Variants in DDX59 observed in about 807,000 individuals in gnomAD.
DDX59 encodes the protein DEAD-box helicase 59.
DDX59 carries 30 observed loss-of-function variants against 51.9 expected under a neutral mutation model. The ratio of observed to expected loss-of-function variants is 0.58; its 90% CI spans 0.43 to 0.78. DDX59 has a LOEUF of 0.78. Among genes scored for constraint, DDX59 ranks in the 30% least tolerant of loss-of-function variants. The probability of loss-of-function intolerance (pLI) is 0.00; values close to 1 mark genes in which losing one functional copy is unlikely to be tolerated. For synonymous variants in DDX59, 255 were observed against 253.3 expected (o/e 1.01, Z -0.06); for missense variants, 672 against 730.8 (o/e 0.92, Z 0.93).
chr1:200,649,471 A>G (rs529923073), intron 5 of DDX59, among the ~76,000 whole-genome samples: 25 of 152,076 alleles, frequency 1.6e-4, no homozygotes, highest in Non-Finnish European at 3.5e-4. Context: ...TACTAAAAAT[A>G]CAAGAAAATT....
In DDX59 at chr1:200,648,498, T is replaced by A. The variant is rs757872732; in HGVS notation, c.1537A>T (p.Ser513Cys). 6.2e-7 allele frequency: 1 copy of A among 1,614,200 alleles called. No homozygotes were observed. The highest frequency in any genetic ancestry group is 8.5e-7 in the Non-Finnish European group (1 of 1,180,020). ...TCAAAATTGACAACCAGCCTGACAC[T>A]GATCAAGTCTAGGCCTCGTCCCAAG... ...GVLGRGLDLI[S>C]VRLVVNFDMP... The change falls in exon 7 of 8, where the codon AGT (serine) becomes TGT (cysteine). Residue 513 changes from serine (S) to cysteine (C), a missense_variant. Physicochemically the swap from Ser to Cys is moderately radical, Grantham distance 112. Coordinates refer to ENST00000331314, the MANE Select transcript of DDX59 (RefSeq NM_001031725.6).
intron 4 of DDX59, among the ~76,000 whole-genome samples, chr1:200,654,140 G>A (rs991516903): frequency 1.3e-5 from 2 of 152,214 alleles, no homozygotes; most frequent in Non-Finnish European, 2.9e-5. Context: ...AGGGCCGGGC[G>A]TGGTGGCTCA....
At chr1:200,648,116 C>T (rs1227008804) in intron 7 of DDX59, among the ~76,000 whole-genome samples, 13 of 151,658 alleles carry the variant, frequency 8.6e-5, no homozygotes, top group African/African-American at 2.4e-4. Flanking sequence ...CCCCTCCTGC[C>T]GAGTTCAAGC....
At chr1:200,663,695 C>T (rs940545921) in intron 3 of DDX59, among the ~76,000 whole-genome samples, 2 of 151,222 alleles carry the variant, frequency 1.3e-5, no homozygotes, top group African/African-American at 4.9e-5. Flanking sequence ...CATGTCAGAA[C>T]ATTCAACAGC....
Position 200,644,412 on chromosome 1 carries a change from C to A in DDX59, c.1702G>T (p.Gly568Ter), listed in dbSNP as rs1354410317. 2 of 1,613,646 alleles carry A rather than the reference C, an allele frequency of 1.2e-6. No homozygotes were observed. The highest frequency in any genetic ancestry group is 1.3e-5 in the African/African-American group (1 of 74,866). ...AATAACTGAGGGGGAAGAATGGATC[C>A]TGTGGGCTTTACTCGTTTTGCAATA... ...WDIAKRVKPTGSILPPQLLNS... is the reference protein window; with the variant it reads ...WDIAKRVKPT The change falls in exon 8 of 8, where the codon GGA (glycine) becomes TGA (stop). Residue 568 changes from glycine (G) to a stop codon, truncating the protein, a stop_gained. Coordinates refer to ENST00000331314, the MANE Select transcript of DDX59 (RefSeq NM_001031725.6). LOFTEE classifies it high-confidence loss of function.
chr1:200,642,863 G>A (rs150896534), downstream of DDX59, among the ~76,000 whole-genome samples: 21 of 152,224 alleles, frequency 1.4e-4, no homozygotes, highest in East Asian at 1.5e-3. Flanking sequence ...CACAATGACC[G>A]ACGCAATAAA....
At chr1:200,651,901 G>A (rs531698339) in intron 4 of DDX59, among the ~76,000 whole-genome samples, 1 of 151,526 alleles carries the variant, frequency 6.6e-6, no homozygotes, top group Non-Finnish European at 1.5e-5. Flanking sequence ...CCAGCTACTC[G>A]GGAGGCTGAG....
At chr1:200,666,835 C>G (rs1464088767) in intron 1 of DDX59, 84 bp from the exon 2 acceptor site, 3 of 1,381,084 alleles carry the variant, frequency 2.2e-6, no homozygotes, top group Middle Eastern at 2.0e-4. Context: ...GGACAAGGTG[C>G]GGTGGCTCAC....
At chr1:200,662,729 T>C (rs531687209) in intron 3 of DDX59, among the ~76,000 whole-genome samples, 2 of 152,360 alleles carry the variant, frequency 1.3e-5, no homozygotes, top group South Asian at 2.1e-4. Context: ...CAGCTACTTA[T>C]GCGTTTGAAT....
chr1:200,649,868 A>C (rs1475132905), intron 5 of DDX59, among the ~76,000 whole-genome samples: 1 of 147,488 alleles, frequency 6.8e-6, no homozygotes, highest in Non-Finnish European at 1.5e-5. Flanking sequence ...TTTGAGACAG[A>C]GTCTCGCTCT....
At chr1:200,655,095 T>C (rs1476866353) in intron 4 of DDX59, 1 of 152,208 alleles carries the variant, frequency 6.6e-6, no homozygotes, top group East Asian at 1.9e-4. Flanking sequence ...GACTCCCCAA[T>C]GCCTATTTTA....
At chr1:200,662,388 TG>T (rs1433430747) in intron 3 of DDX59, among the ~76,000 whole-genome samples, 1 of 152,172 alleles carries the variant, frequency 6.6e-6, no homozygotes, top group African/African-American at 2.4e-5. Flanking sequence ...AGTTTGAGAT[TG>T]TTTTTTTAAA....
At chr1:200,648,099 C>CT (rs200642286) in intron 7 of DDX59, among the ~76,000 whole-genome samples, 2,730 of 151,218 alleles carry the variant, frequency 0.018, 93 homozygotes, top group African/African-American at 0.062. Context: ...TCTCGGCTCA[C>CT]TGCAACCCCC....
Position 200,664,058 on chromosome 1 carries a change from G to T in DDX59, c.833C>A (p.Thr278Lys), listed in dbSNP as rs1662554841. ...CTGAATGGCTAACTCTCTGGTTGGT[G>T]TAAGAATGAGCGCAGATGGAGTTTT... ...ESKTPSALIL[T>K]PTRELAIQIE... The change falls in exon 3 of 8, where the codon ACA (threonine) becomes AAA (lysine). Residue 278 changes from threonine to lysine, a missense_variant. Coordinates refer to ENST00000331314, the MANE Select transcript of DDX59 (RefSeq NM_001031725.6). 1 of 1,613,702 alleles carries T rather than the reference G, an allele frequency of 6.2e-7. No individual in the cohort carries two copies. The highest frequency in any genetic ancestry group is 8.5e-7 in the Non-Finnish European group (1 of 1,179,908).
Position 200,649,188 on chromosome 1 carries a change from C to T in DDX59, c.1353G>A (p.Val451=), listed in dbSNP as rs1244477128. ...KLFKPPVLVF[V]DCKLGADLLS... ...AAAGATCTGCTCCTAGTTTGCAGTC[C>T]ACAAATACTAACACTGGAGGCTTAA... Residue 451 remains valine, a synonymous_variant, in exon 6 of 8, where the codon GTG becomes GTA. Transcript: ENST00000331314. 1.3e-6 allele frequency: 2 copies of T among 1,592,700 alleles called. No homozygotes were observed. The highest frequency in any genetic ancestry group is 1.4e-5 in the African/African-American group (1 of 73,396).
At chr1:200,644,652 T>C (rs751026511) in intron 7 of DDX59, 135 bp from the exon 8 acceptor site, 1 of 1,097,088 alleles carries the variant, frequency 9.1e-7, no homozygotes, top group Non-Finnish European at 1.2e-6. Flanking sequence ...CCCCAGCACT[T>C]TGGGAGCTGA....
chr1:200,668,586 T>A (rs1662942858), intron 1 of DDX59, among the ~76,000 whole-genome samples: 1 of 152,194 alleles, frequency 6.6e-6, no homozygotes, highest in South Asian at 2.1e-4. Context: ...AAAAATGTTT[T>A]ACCCCAAAAT....
intron 4 of DDX59, 148 bp downstream of exon 4, chr1:200,658,879 A>T: frequency 1.6e-6 from 1 of 610,332 alleles, no homozygotes; most frequent in Non-Finnish European, 2.9e-6. Context: ...CTTCAGTGCT[A>T]CACAGGAACC....
chr1:200,669,596 A>G (rs1663030672), intron 1 of DDX59, 171 bp downstream of exon 1: 1 of 152,164 alleles, frequency 6.6e-6, no homozygotes, highest in African/African-American at 2.4e-5. Context: ...CGGAGCTGCT[A>G]GGAGACGGGC....
Sources: gnomAD v4.1 joint callset for allele counts (sites outside exome capture counted in the v4.1 genomes callset) on GRCh38, gnomAD v4.1.1 for gene constraint, MANE v1.5 for transcripts, NCBI Gene and HGNC (gene_info 2026-07-23, HGNC 2026-07-21) for gene names.